Variants in NSF observed in about 807,000 individuals in gnomAD.
NSF encodes N-ethylmaleimide sensitive factor, vesicle fusing ATPase.
Under a neutral mutation model 50.3 loss-of-function variants are expected in NSF, and 14 were observed. That is an observed-to-expected ratio of 0.28 (90% confidence interval 0.18 to 0.44). The LOEUF is 0.44. Ranked by LOEUF, NSF falls within the 20% of genes least tolerant of loss-of-function variation. NSF has a pLI of 1.00. For missense variants in NSF, 218 were observed against 504.3 expected, an observed-to-expected ratio of 0.43 and a Z score of 5.44; for synonymous variants, 109 against 175.7, an observed-to-expected ratio of 0.62 and a Z score of 3.00.
At chr17:46,599,948 T>G (rs1376585517) in intron 1 of NSF, among the ~76,000 whole-genome samples, 3 of 128,298 alleles carry the variant, frequency 2.3e-5, no homozygotes, top group Admixed American at 7.7e-5. Context: ...TTTTTTTTTT[T>G]TTTAGTTTTA....
intron 18 of NSF, among the ~76,000 whole-genome samples, chr17:46,750,970 A>G (rs1224893613): frequency 3.3e-5 from 5 of 152,228 alleles, no homozygotes; most frequent in African/African-American, 1.2e-4. Context: ...AACTTTTAAT[A>G]TCAATATTCA....
chr17:46,717,636 C>T (rs867082921), intron 15 of NSF, among the ~76,000 whole-genome samples: 4 of 152,112 alleles, frequency 2.6e-5, no homozygotes, highest in South Asian at 4.1e-4. Flanking sequence ...CGCTTGAACC[C>T]GGGAGGCAGA....
intron 4 of NSF, among the ~76,000 whole-genome samples, chr17:46,635,569 A>T (rs1298530826): frequency 2.1e-5 from 2 of 96,442 alleles, no homozygotes; most frequent in Admixed American, 2.1e-4. Context: ...AACTTGGTTG[A>T]CCCATGATGT....
At chr17:46,748,091 T>C (rs1333111116) in intron 17 of NSF, among the ~76,000 whole-genome samples, 3 of 152,312 alleles carry the variant, frequency 2.0e-5, no homozygotes, top group South Asian at 2.1e-4. Context: ...AAAAAAATTA[T>C]TTCTAACCTT....
chr17:46,728,792 C>G, intron 16 of NSF, 63 bp from the exon 17 acceptor site: 1 of 962,674 alleles, frequency 1.0e-6, no homozygotes, highest in South Asian at 1.8e-5. Flanking sequence ...AAAACAAAAA[C>G]TGAATGTTTG....
intron 17 of NSF, among the ~76,000 whole-genome samples, chr17:46,739,320 G>A (rs1024212731): frequency 1.6e-4 from 22 of 138,026 alleles, no homozygotes; most frequent in African/African-American, 2.7e-4. Context: ...GCAGCGAGCC[G>A]AGATCGCGCC....
At chr17:46,666,137 G>T (rs990958395) in intron 8 of NSF, among the ~76,000 whole-genome samples, 2 of 150,148 alleles carry the variant, frequency 1.3e-5, no homozygotes, top group Non-Finnish European at 1.5e-5. Flanking sequence ...AGATAAAGGG[G>T]AACTTTGGAA....
intron 17 of NSF, among the ~76,000 whole-genome samples, chr17:46,735,806 G>A (rs185696112): frequency 2.6e-5 from 4 of 152,210 alleles, no homozygotes; most frequent in Non-Finnish European, 5.9e-5. Context: ...TTAGCTCGAC[G>A]TGGTGGTGTG....
chr17:46,708,146 A>G (rs2058675207), intron 13 of NSF, among the ~76,000 whole-genome samples: 1 of 152,076 alleles, frequency 6.6e-6, no homozygotes, highest in East Asian at 1.9e-4. Flanking sequence ...TAATGCTGTC[A>G]TTAGCATGGC....
intron 12 of NSF, among the ~76,000 whole-genome samples, chr17:46,703,680 CAAAA>C (rs149212597): frequency 5.8e-4 from 22 of 37,714 alleles, no homozygotes; most frequent in Non-Finnish European, 8.0e-4. Flanking sequence ...GACTCCGTCT[CAAAA>C]AAAAAAAAAA....
intron 13 of NSF, among the ~76,000 whole-genome samples, chr17:46,708,463 T>C (rs1287386356): frequency 6.6e-6 from 1 of 151,906 alleles, no homozygotes; most frequent in Non-Finnish European, 1.5e-5. Flanking sequence ...TATCTTTTCA[T>C]ATGCTTATCA....
At chr17:46,662,084 C>G (rs1403430549) in intron 8 of NSF, among the ~76,000 whole-genome samples, 16 of 93,052 alleles carry the variant, frequency 1.7e-4, no homozygotes, top group East Asian at 2.7e-4. Flanking sequence ...GTCAGGTGAT[C>G]CACCCGCCTC....
intron 17 of NSF, among the ~76,000 whole-genome samples, chr17:46,730,414 T>C (rs1306707907): frequency 6.6e-6 from 1 of 152,172 alleles, no homozygotes; most frequent in Admixed American, 6.5e-5. Flanking sequence ...TTAAATACTA[T>C]ACACATTGAT....
chr17:46,635,553 A>G (rs2058175927), intron 4 of NSF, among the ~76,000 whole-genome samples: 1 of 98,828 alleles, frequency 1.0e-5, no homozygotes, highest in Non-Finnish European at 2.2e-5. Flanking sequence ...GACAGATACC[A>G]GAATGAACTT....
At chr17:46,740,876 G>A (rs1319698004) in intron 17 of NSF, among the ~76,000 whole-genome samples, 3 of 151,980 alleles carry the variant, frequency 2.0e-5, no homozygotes, top group African/African-American at 7.3e-5. Context: ...TGGCCAGGCT[G>A]GTCTTGAAAT....
At chr17:46,728,212 G>A (rs2058910933) in intron 16 of NSF, among the ~76,000 whole-genome samples, 1 of 152,092 alleles carries the variant, frequency 6.6e-6, no homozygotes. Flanking sequence ...CTCTTAGAAA[G>A]TTATCTGTTC....
chr17:46,605,388 C>T (rs2057945569), intron 1 of NSF, among the ~76,000 whole-genome samples: 1 of 128,290 alleles, frequency 7.8e-6, no homozygotes, highest in Non-Finnish European at 1.7e-5. Context: ...GTGGAGGTTG[C>T]AGTGAGCCGA....
chr17:46,626,047 T>A lies in NSF; in HGVS notation c.99-566T>A, dbSNP rs1021342498. ...TCTGAACAGGGAATTAGCACAAAAT[T>A]TTTTAAAACAGTAAATATTGATATC... On this transcript the variant is annotated intron_variant, in intron 2 of 20. Transcript: ENST00000398238. 1.3e-4 allele frequency among the ~76,000 whole-genome samples: 19 copies of A among 148,418 alleles called. 1 individual carries two copies. Among genetic ancestry groups the A allele is most frequent in the Non-Finnish European group, 2.1e-4 (14 of 67,914 alleles).
intron 17 of NSF, among the ~76,000 whole-genome samples, chr17:46,736,591 A>G (rs1001832347): frequency 6.6e-6 from 1 of 152,186 alleles, no homozygotes; most frequent in Non-Finnish European, 1.5e-5. Flanking sequence ...TTTCTACAAT[A>G]AGCATATGTT....
Sources: gnomAD v4.1 joint callset for allele counts (sites outside exome capture counted in the v4.1 genomes callset) on GRCh38, gnomAD v4.1.1 for gene constraint, MANE v1.5 for transcripts, NCBI Gene and HGNC (gene_info 2026-07-23, HGNC 2026-07-21) for gene names.